Variants in LOC400499 observed in about 807,000 individuals in gnomAD.
the LOC400499 span, chr16:11,448,059 C>A: frequency 6.5e-7 from 1 of 1,535,234 alleles, no homozygotes; most frequent in African/African-American, 1.4e-5. Context: ...TGAGCGACAC[C>A]TGGGTCTTCC....
the LOC400499 span, chr16:11,443,489 A>G: frequency 0.018 from 2,520 of 139,016 alleles, 88 homozygotes; most frequent in East Asian, 0.12. Context: ...AAAAAAAAAA[A>G]AAAGAGAGAG....
chr16:11,458,206 C>T, the LOC400499 span, among the ~76,000 whole-genome samples: 2 of 152,100 alleles, frequency 1.3e-5, no homozygotes, highest in Non-Finnish European at 2.9e-5. Context: ...ATTAGCCGGG[C>T]GTGGTCGTGG....
chr16:11,450,719 C>A, the LOC400499 span: 1 of 1,536,048 alleles, frequency 6.5e-7, no homozygotes, highest in South Asian at 1.2e-5. Flanking sequence ...CAGGCCTTGC[C>A]CAGCGTTAGC....
chr16:11,448,098 G>C, the LOC400499 span: 2 of 1,529,932 alleles, frequency 1.3e-6, no homozygotes, highest in East Asian at 2.4e-5. Flanking sequence ...AGGCTGAAGA[G>C]AGGGACGGGC....
the LOC400499 span, chr16:11,459,956 G>C: frequency 2.6e-4 from 388 of 1,512,802 alleles, 4 homozygotes; most frequent in South Asian, 4.5e-3. Context: ...GGCTGACACG[G>C]AGATGCCTCT....
At chr16:11,450,804 A>G in the LOC400499 span, 1,155 of 1,532,162 alleles carry the variant, frequency 7.5e-4, 2 homozygotes, top group African/African-American at 0.013. Flanking sequence ...GCCATGGACT[A>G]TCCAGGTTCA....
the LOC400499 span, among the ~76,000 whole-genome samples, chr16:11,389,215 C>G: frequency 1.3e-5 from 2 of 152,252 alleles, no homozygotes; most frequent in African/African-American, 2.4e-5. Context: ...CAAAGCCAGT[C>G]ATGGCCACAC....
the LOC400499 span, chr16:11,424,216 CG>C: frequency 2.5e-6 from 1 of 399,266 alleles, no homozygotes; most frequent in Non-Finnish European, 4.4e-6. Context: ...CCCGAGGACT[CG>C]GGGGTCACGT....
the LOC400499 span, chr16:11,475,690 C>T: frequency 2.5e-6 from 1 of 399,078 alleles, no homozygotes; most frequent in Non-Finnish European, 4.4e-6. Context: ...CTCACGCCAT[C>T]CCTGGTGATG....
the LOC400499 span, among the ~76,000 whole-genome samples, chr16:11,501,856 G>A: frequency 2.0e-5 from 3 of 152,232 alleles, no homozygotes; most frequent in East Asian, 5.8e-4. Flanking sequence ...CTGGTCTCAG[G>A]CAGGATAGAG....
chr16:11,460,067 T>C, the LOC400499 span: 9 of 1,386,826 alleles, frequency 6.5e-6, no homozygotes, highest in East Asian at 2.7e-5. Context: ...GGGACACACA[T>C]GGGTGGTGAA....
chr16:11,375,576 G>A, the LOC400499 span, among the ~76,000 whole-genome samples: 5 of 151,586 alleles, frequency 3.3e-5, no homozygotes, highest in Admixed American at 6.6e-5. Flanking sequence ...GCTTCCCAAA[G>A]TGCTGGGATT....
At chr16:11,504,113 G>A in the LOC400499 span, among the ~76,000 whole-genome samples, 2 of 152,164 alleles carry the variant, frequency 1.3e-5, no homozygotes, top group Non-Finnish European at 1.5e-5. Flanking sequence ...CTGAGAATGC[G>A]CCTTTCAGAT....
the LOC400499 span, among the ~76,000 whole-genome samples, chr16:11,489,214 A>C: frequency 6.6e-6 from 1 of 152,186 alleles, no homozygotes; most frequent in Non-Finnish European, 1.5e-5. Context: ...TCCGAGCCTC[A>C]GTTTCCTCAT....
chr16:11,411,578 C>G, the LOC400499 span, among the ~76,000 whole-genome samples: 1 of 152,188 alleles, frequency 6.6e-6, no homozygotes, highest in African/African-American at 2.4e-5. Flanking sequence ...AGCTCTGGCA[C>G]CAGGAGCAAG....
At chr16:11,516,463 C>T in the LOC400499 span, among the ~76,000 whole-genome samples, 17 of 152,176 alleles carry the variant, frequency 1.1e-4, no homozygotes, top group African/African-American at 3.9e-4. Flanking sequence ...GCCTTTGTTC[C>T]CTCTGCAGCT....
At chr16:11,469,875 C>T in the LOC400499 span, among the ~76,000 whole-genome samples, 6 of 152,308 alleles carry the variant, frequency 3.9e-5, no homozygotes, top group East Asian at 9.6e-4. Flanking sequence ...CTGCGGTGCA[C>T]ACTCCTGGCA....
At chr16:11,398,471 C>A in the LOC400499 span, 1 of 1,232,292 alleles carries the variant, frequency 8.1e-7, no homozygotes, top group Non-Finnish European at 1.0e-6. Flanking sequence ...CCAGCGTGGC[C>A]TCCATGATGA....
the LOC400499 span, among the ~76,000 whole-genome samples, chr16:11,415,530 G>A: frequency 6.6e-6 from 1 of 152,216 alleles, no homozygotes; most frequent in African/African-American, 2.4e-5. Flanking sequence ...GGGACATGCA[G>A]GTGGCCTCAG....
Sources: gnomAD v4.1 joint callset for allele counts (sites outside exome capture counted in the v4.1 genomes callset) on GRCh38, gnomAD v4.1.1 for gene constraint, MANE v1.5 for transcripts.